The following CSMD2 variants were observed in gnomAD, a reference collection of about 807,000 sequenced individuals.
The protein encoded by CSMD2 is CUB and Sushi multiple domains 2.
Under a neutral mutation model 398.5 loss-of-function variants are expected in CSMD2, and 130 were observed. The observed-to-expected ratio is 0.33, with a 90% CI of 0.28 to 0.38. The LOEUF (loss-of-function observed/expected upper bound fraction) is 0.38, where lower values mean the gene tolerates loss of function less well. CSMD2 is among the 10% of genes least tolerant of loss of function. The pLI, the probability that CSMD2 is intolerant of heterozygous loss-of-function variation, is 1.00. For missense variants in CSMD2, 3,829 were observed against 4,764.9 expected, an observed-to-expected ratio of 0.80 and a Z score of 5.78; for synonymous variants, 1,828 against 1,908.5, an observed-to-expected ratio of 0.96 and a Z score of 1.10.
intron 5 of CSMD2, among the ~76,000 whole-genome samples, chr1:33,897,361 T>C (rs1642458559): frequency 6.6e-6 from 1 of 152,176 alleles, no homozygotes; most frequent in African/African-American, 2.4e-5. Flanking sequence ...CTGCCACATG[T>C]TTGCTGAGTG....
chr1:33,711,758 A>T (rs11579547), intron 21 of CSMD2, among the ~76,000 whole-genome samples: 1 of 152,124 alleles, frequency 6.6e-6, no homozygotes, highest in African/African-American at 2.4e-5. Flanking sequence ...TGCTTCCTGC[A>T]TAAGAGCTAT....
chr1:33,597,014 C>A (rs1570881737), intron 44 of CSMD2, among the ~76,000 whole-genome samples: 1 of 152,044 alleles, frequency 6.6e-6, no homozygotes, highest in East Asian at 1.9e-4. Context: ...GAAGAAGATG[C>A]TTCCCAAAAT....
chr1:33,550,258 C>T lies in CSMD2; in HGVS notation c.8836G>A (p.Gly2946Ser), dbSNP rs370638892. 62 of 1,614,100 alleles carry T rather than the reference C, an allele frequency of 3.8e-5. No individual in the cohort carries two copies. Among genetic ancestry groups the T allele is most frequent in the Non-Finnish European group, 4.8e-5 (57 of 1,180,054 alleles). The change falls in exon 56 of 71, where the codon GGC becomes AGC. Residue 2946 changes from glycine (G) to serine (S), a missense_variant. This residue lies in a region of CSMD2 where 917 missense variants were observed against 1,199.5 expected (regional missense o/e 0.76). Coordinates refer to ENST00000373381, the MANE Select transcript of CSMD2 (RefSeq NM_001281956.2). ...CTGTTTCCCACCAGAGTACGCTTGCCGATGCAGCTGTACCGCACCACTGCT... is the reference window on the plus strand; with the variant it reads ...CTGTTTCCCACCAGAGTACGCTTGCTGATGCAGCTGTACCGCACCACTGCT... Reference protein sequence around the residue: ...VGAVVRYSCIGKRTLVGNSTR... With the variant: ...VGAVVRYSCISKRTLVGNSTR...
At position 33,583,549 on chromosome 1, in the gene CSMD2, C is replaced by T. The variant is rs539962207; in HGVS notation, c.7240+93G>A. 1.1e-3 allele frequency: 1,394 copies of T among 1,283,672 alleles called. 1 individual carries two copies. Among genetic ancestry groups the T allele is most frequent in the Non-Finnish European group, 1.5e-3 (1,347 of 902,876 alleles). 79.5% of individuals were successfully genotyped at this position (1,283,672 alleles called of 1,614,324 possible). On this transcript the variant is annotated intron_variant, in intron 47 of 70. Transcript: ENST00000373381. Reference sequence around the variant, plus strand: ...ACATCCTGTGGAGCTTCTGGCAAGCCCTGATAGGAAAACTGCAGCACAGAC... The same window carrying T: ...ACATCCTGTGGAGCTTCTGGCAAGCTCTGATAGGAAAACTGCAGCACAGAC...
At chr1:33,900,061 G>C (rs1178979161) in intron 5 of CSMD2, among the ~76,000 whole-genome samples, 4 of 152,188 alleles carry the variant, frequency 2.6e-5, no homozygotes, top group Non-Finnish European at 5.9e-5. Flanking sequence ...AGGGTGAGAG[G>C]GGCAGGGGAG....
At position 33,918,223 on chromosome 1, in the gene CSMD2, T is replaced by C. The variant is rs1643824504; in HGVS notation, c.791A>G (p.Asn264Ser). The change falls in exon 5 of 71, where the codon AAC becomes AGC. Residue 264 changes from asparagine (N) to serine (S), a missense_variant. Coordinates refer to ENST00000373381, the MANE Select transcript of CSMD2 (RefSeq NM_001281956.2). ...GATGGTCCATGTGCAGTCGGCATTGTTATGGTACTCCGAGGGGAAGTGGGG... is the reference window on the plus strand; with the variant it reads ...GATGGTCCATGTGCAGTCGGCATTGCTATGGTACTCCGAGGGGAAGTGGGG... ...SSPHFPSEYH[N>S]NADCTWTILA... The C allele has an allele frequency of 6.2e-7, 1 of 1,614,156 alleles. No homozygotes were observed. Among genetic ancestry groups the C allele is most frequent in the Non-Finnish European group, 8.5e-7 (1 of 1,180,040 alleles).
intron 9 of CSMD2, among the ~76,000 whole-genome samples, chr1:33,817,213 TC>T (rs1365719923): frequency 6.6e-6 from 1 of 152,124 alleles, no homozygotes; most frequent in Non-Finnish European, 1.5e-5. Flanking sequence ...GGACATATCA[TC>T]CAAGTTCAAA....
chr1:34,015,588 G>A (rs1001558911), intron 3 of CSMD2, among the ~76,000 whole-genome samples: 1 of 152,170 alleles, frequency 6.6e-6, no homozygotes, highest in African/African-American at 2.4e-5. Flanking sequence ...GGATCACAAA[G>A]GGCTGTAGGG....
intron 48 of CSMD2, among the ~76,000 whole-genome samples, 182 bp from the exon 49 acceptor site, chr1:33,577,666 G>A (rs1557564904): frequency 6.6e-6 from 1 of 152,132 alleles, no homozygotes; most frequent in Non-Finnish European, 1.5e-5. Flanking sequence ...GGTTGGTAAA[G>A]CCGAAACAAA....
intron 6 of CSMD2, among the ~76,000 whole-genome samples, chr1:33,841,683 A>G (rs1429707543): frequency 6.6e-6 from 1 of 152,092 alleles, no homozygotes; most frequent in Non-Finnish European, 1.5e-5. Context: ...TGTGGTTGCC[A>G]AACACTTTGG....
chr1:33,567,205 C>T (rs1217532741), intron 53 of CSMD2, among the ~76,000 whole-genome samples: 2 of 151,342 alleles, frequency 1.3e-5, no homozygotes, highest in African/African-American at 2.4e-5. Context: ...AAATAATAAA[C>T]ATTTATTATT....
chr1:33,737,941 A>C (rs957028550), intron 15 of CSMD2, among the ~76,000 whole-genome samples: 4 of 152,198 alleles, frequency 2.6e-5, no homozygotes, highest in Admixed American at 6.5e-5. Flanking sequence ...TTCCAGCTGG[A>C]AAATACAAAG....
At position 33,835,330 on chromosome 1, in the gene CSMD2, T is replaced by G. The variant is rs1182577119; in HGVS notation, c.1034-9556A>C. On this transcript the variant is annotated intron_variant, in intron 6 of 70. Coordinates refer to ENST00000373381, the MANE Select transcript of CSMD2 (RefSeq NM_001281956.2). The stretch of plus-strand genomic sequence containing the variant: ...TGGAATACTATGCAGCCATAAAAAA[T>G]GATGAGTTCATGTCCTTTGTAGGGA... Among the ~76,000 whole-genome samples, 5 of 50,968 alleles carry G rather than the reference T, an allele frequency of 9.8e-5. 2 individuals are homozygous for G. Among genetic ancestry groups the G allele is most frequent in the Non-Finnish European group, 1.5e-4 (5 of 33,724 alleles). The allele number at this position is 50,968 out of a possible 152,430, so 33.4% of individuals were successfully genotyped here.
intron 1 of CSMD2, among the ~76,000 whole-genome samples, chr1:34,092,511 T>A (rs888705835): frequency 2.6e-5 from 4 of 152,064 alleles, no homozygotes; most frequent in African/African-American, 7.2e-5. Context: ...TTCATCTCAC[T>A]AGGGAGAGCC....
At chr1:33,963,960 C>G (rs906861106) in intron 3 of CSMD2, among the ~76,000 whole-genome samples, 1 of 152,182 alleles carries the variant, frequency 6.6e-6, no homozygotes, top group Non-Finnish European at 1.5e-5. Context: ...GCAGATGTGT[C>G]TTTAACTTTT....
intron 6 of CSMD2, among the ~76,000 whole-genome samples, chr1:33,836,374 C>T (rs903426621): frequency 1.3e-5 from 2 of 152,190 alleles, no homozygotes; most frequent in African/African-American, 2.4e-5. Context: ...GGGAGAACCA[C>T]TACTCTCTTC....
At chr1:34,053,584 T>C (rs1271221331) in intron 2 of CSMD2, among the ~76,000 whole-genome samples, 1 of 152,206 alleles carries the variant, frequency 6.6e-6, no homozygotes, top group African/African-American at 2.4e-5. Flanking sequence ...CCGCATTGCT[T>C]CAGAGTCTGA....
At chr1:34,098,787 A>G (rs929454635) in intron 1 of CSMD2, among the ~76,000 whole-genome samples, 1 of 152,218 alleles carries the variant, frequency 6.6e-6, no homozygotes, top group African/African-American at 2.4e-5. Context: ...GCAAAGAGTT[A>G]CATGGTAAAA....
rs1653641523 is a variant in CSMD2, at chr1:33,514,965, T to A, written c.*1659A>T. On this transcript the variant is annotated 3_prime_UTR_variant, in exon 71 of 71. Coordinates refer to ENST00000373381, the MANE Select transcript of CSMD2 (RefSeq NM_001281956.2). ...CGCTGTCCCTCCGCTCCTGCACATTTCTATTTGCTATTTCAATATGTGACA... is the reference window on the plus strand; with the variant it reads ...CGCTGTCCCTCCGCTCCTGCACATTACTATTTGCTATTTCAATATGTGACA... 1 of 152,160 alleles carries A rather than the reference T, an allele frequency of 6.6e-6. No individual in the cohort carries two copies. Among genetic ancestry groups the A allele is most frequent in the African/African-American group, 2.4e-5 (1 of 41,430 alleles). 9.4% of individuals were successfully genotyped at this position (152,160 alleles called of 1,614,324 possible).
Sources: allele counts gnomAD v4.1 joint callset (sites outside exome capture counted in the v4.1 genomes callset), GRCh38; gene constraint gnomAD v4.1.1; regional missense constraint gnomAD v4.1.1; transcripts MANE v1.5; gene names NCBI Gene and HGNC (gene_info 2026-07-23, HGNC 2026-07-21).